Variants in SLC9A8 observed in about 807,000 individuals in gnomAD.
The protein encoded by SLC9A8 is sodium/hydrogen exchanger 8.
A neutral mutation model predicts 66.6 loss-of-function variants in SLC9A8; 48 were observed. The observed-to-expected ratio is 0.72, with a 90% CI of 0.57 to 0.92. The LOEUF is 0.92. SLC9A8 is among the 40% of genes least tolerant of loss of function. The pLI, the probability that SLC9A8 is intolerant of heterozygous loss-of-function variation, is 0.00. For synonymous variants in SLC9A8, 274 were observed against 282.6 expected (o/e 0.97, Z 0.31); for missense variants, 599 against 747.3 (o/e 0.80, Z 2.31).
At chr20:49,842,513 T>C (rs951466748) in intron 4 of SLC9A8, among the ~76,000 whole-genome samples, 1 of 152,228 alleles carries the variant, frequency 6.6e-6, no homozygotes, top group Non-Finnish European at 1.5e-5. Flanking sequence ...ATCAGCACGT[T>C]GGAGAGAGCC....
intron 2 of SLC9A8, among the ~76,000 whole-genome samples, chr20:49,816,080 A>T (rs1191557355): frequency 6.6e-6 from 1 of 152,128 alleles, no homozygotes; most frequent in Admixed American, 6.5e-5. Context: ...CTGTATTGTT[A>T]ATTTAGTTAT....
intron 14 of SLC9A8, among the ~76,000 whole-genome samples, chr20:49,885,478 A>G (rs2089856575): frequency 6.6e-6 from 1 of 152,142 alleles, no homozygotes; most frequent in South Asian, 2.1e-4. Context: ...GACAGGCGTG[A>G]CCCCACCCAG....
intron 9 of SLC9A8, among the ~76,000 whole-genome samples, chr20:49,863,385 T>C (rs181918524): frequency 2.6e-4 from 40 of 152,334 alleles, no homozygotes; most frequent in African/African-American, 7.9e-4. Context: ...CATCTTACTT[T>C]TCACATTTGG....
chr20:49,861,426 C>T (rs2146666305), intron 8 of SLC9A8, among the ~76,000 whole-genome samples: 1 of 152,264 alleles, frequency 6.6e-6, no homozygotes, highest in Admixed American at 6.5e-5. Flanking sequence ...TGCTTGTGGT[C>T]TCAGCTACTC....
intron 2 of SLC9A8, among the ~76,000 whole-genome samples, chr20:49,822,322 A>G (rs984622906): frequency 2.0e-5 from 3 of 152,198 alleles, no homozygotes; most frequent in South Asian, 2.1e-4. Context: ...TGTCAATGCA[A>G]TCTGTTGCAG....
chr20:49,852,301 C>CT (rs963424166), intron 7 of SLC9A8, among the ~76,000 whole-genome samples: 8 of 152,104 alleles, frequency 5.3e-5, no homozygotes, highest in South Asian at 4.1e-4. Context: ...ATTTTAAATA[C>CT]TTTTTTTTCA....
At chr20:49,850,717 T>G in intron 6 of SLC9A8, 93 bp from the exon 7 acceptor site, 1 of 1,508,496 alleles carries the variant, frequency 6.6e-7, no homozygotes. Flanking sequence ...CCTTATTAGT[T>G]TTAATAAAGC....
intron 13 of SLC9A8, among the ~76,000 whole-genome samples, chr20:49,882,655 G>T (rs995408749): frequency 6.6e-5 from 10 of 152,150 alleles, no homozygotes; most frequent in African/African-American, 2.4e-4. Context: ...TTTGGATGCC[G>T]TGGGGATGCT....
chr20:49,887,744 C>A, intron 15 of SLC9A8, 85 bp from the exon 16 acceptor site: 1 of 1,057,694 alleles, frequency 9.5e-7, no homozygotes, highest in Non-Finnish European at 1.4e-6. Flanking sequence ...CCTAGACACC[C>A]CACACAAAAC....
Position 49,888,249 on chromosome 20 carries a change from C to A in SLC9A8, c.*313C>A. 1 of 314,448 alleles carries A rather than the reference C, an allele frequency of 3.2e-6. No homozygotes were observed. The highest frequency in any genetic ancestry group is 6.1e-6 in the Non-Finnish European group (1 of 163,414). 19.5% of individuals were successfully genotyped at this position (314,448 alleles called of 1,614,324 possible). On this transcript the variant is annotated 3_prime_UTR_variant, in exon 16 of 16. Transcript: ENST00000361573. ...TCATCTGTGAAGCTAGGGCGCCTAC[C>A]CCCCCACCCGGAGGACCCCTGCGGC...
At chr20:49,857,696 C>T (rs544587956) in intron 8 of SLC9A8, among the ~76,000 whole-genome samples, 5 of 152,238 alleles carry the variant, frequency 3.3e-5, no homozygotes, top group African/African-American at 9.6e-5. Flanking sequence ...CCAGCCCGGG[C>T]GTCAGAGTGA....
intron 2 of SLC9A8, among the ~76,000 whole-genome samples, chr20:49,817,041 T>C (rs1017529399): frequency 6.6e-6 from 1 of 150,726 alleles, no homozygotes; most frequent in Non-Finnish European, 1.5e-5. Context: ...TCCAAATTCT[T>C]GTTTGGCCGG....
intron 7 of SLC9A8, among the ~76,000 whole-genome samples, chr20:49,854,319 C>G (rs971805559): frequency 3.3e-5 from 5 of 152,074 alleles, no homozygotes; most frequent in African/African-American, 1.2e-4. Context: ...CACCCCACCC[C>G]CACCACCACA....
Position 49,815,102 on chromosome 20 carries a change from C to A in SLC9A8, c.121C>A (p.Pro41Thr). The change falls in exon 2 of 16, where the codon CCC becomes ACC. Residue 41 changes from proline to threonine, a missense_variant. By Grantham distance (38) the Pro-to-Thr change is conservative (BLOSUM62 -1). This residue lies in a region of SLC9A8 where 132 missense variants were observed against 120.9 expected (regional missense o/e 1.09). Transcript: ENST00000361573. ...ACTGGTGCTCCCGACCCCTGGCAAG[C>A]CCATCCTCCCCGTGCAGACAGGGGA... The part of the protein sequence containing the change: ...TKLVLPTPGK[P>T]ILPVQTGEQA... 1 of 1,609,174 alleles carries A rather than the reference C, an allele frequency of 6.2e-7. No homozygotes were observed. Among genetic ancestry groups the A allele is most frequent in the Non-Finnish European group, 8.5e-7 (1 of 1,177,994 alleles).
chr20:49,821,456 A>C (rs1270685003), intron 2 of SLC9A8, among the ~76,000 whole-genome samples: 1 of 152,202 alleles, frequency 6.6e-6, no homozygotes, highest in Non-Finnish European at 1.5e-5. Context: ...AACACCACAG[A>C]TTGATAGTTT....
intron 8 of SLC9A8, 35 bp downstream of exon 8, chr20:49,855,616 G>A: frequency 6.2e-7 from 1 of 1,601,326 alleles, no homozygotes; most frequent in Non-Finnish European, 8.5e-7. Context: ...CTTTTTTCAT[G>A]TGACAGAACT....
At chr20:49,835,670 C>T (rs1358746206) in intron 3 of SLC9A8, among the ~76,000 whole-genome samples, 1 of 142,798 alleles carries the variant, frequency 7.0e-6, no homozygotes, top group Non-Finnish European at 1.5e-5. Context: ...TTGTATGCCA[C>T]ACAATTCACT....
intron 3 of SLC9A8, chr20:49,830,002 G>A (rs2087105351): frequency 1.6e-6 from 1 of 632,778 alleles, no homozygotes; most frequent in Non-Finnish European, 3.1e-6. Context: ...GTACCTTGAA[G>A]TGGATGATGG....
chr20:49,878,686 T>C (rs564498202), intron 12 of SLC9A8, among the ~76,000 whole-genome samples: 2 of 152,278 alleles, frequency 1.3e-5, no homozygotes, highest in African/African-American at 4.8e-5. Context: ...AACTCAGGTT[T>C]CAGGGCAAGA....
Sources: allele counts gnomAD v4.1 joint callset (sites outside exome capture counted in the v4.1 genomes callset), GRCh38; gene constraint gnomAD v4.1.1; regional missense constraint gnomAD v4.1.1; transcripts MANE v1.5; gene names NCBI Gene and HGNC (gene_info 2026-07-23, HGNC 2026-07-21).